The following ACAD10 variants were observed in gnomAD, a reference collection of about 807,000 sequenced individuals.
ACAD10 encodes acyl-CoA dehydrogenase family member 10.
Under a neutral mutation model 116.8 loss-of-function variants are expected in ACAD10, and 112 were observed. That is an observed-to-expected ratio of 0.96 (90% CI 0.82 to 1.12). The LOEUF (loss-of-function observed/expected upper bound fraction) is 1.12. Ranked by LOEUF, ACAD10 falls within the 50% of genes most tolerant of loss-of-function variation. The probability of loss-of-function intolerance (pLI) is 0.00; values close to 1 mark genes in which losing one functional copy is unlikely to be tolerated. For missense variants in ACAD10, 1,259 were observed against 1,350.2 expected, an observed-to-expected ratio of 0.93 and a Z score of 1.06; for synonymous variants, 486 against 510.6, an observed-to-expected ratio of 0.95 and a Z score of 0.65.
intron 5 of ACAD10, 124 bp from the exon 6 acceptor site, chr12:111,712,374 C>A: frequency 1.1e-6 from 1 of 881,704 alleles, no homozygotes; most frequent in Non-Finnish European, 1.7e-6. Context: ...ATTCTCTGCA[C>A]CTGTACTACC....
chr12:111,735,519 G>A lies in ACAD10; in HGVS notation c.1541-1312G>A, dbSNP rs192358121. On this transcript the variant is annotated intron_variant, in intron 11 of 20. Transcript: ENST00000313698. ...TGCCCAGGCTAGAGTGCAGTGGCGCGATCTCAGCTCACTGCAAGCTCCACC... is the reference window on the plus strand; with the variant it reads ...TGCCCAGGCTAGAGTGCAGTGGCGCAATCTCAGCTCACTGCAAGCTCCACC... Among the ~76,000 whole-genome samples the A allele has an allele frequency of 3.1e-3, 464 of 150,822 alleles. 5 individuals carry two copies. The East Asian group carries it at 0.041, about 13-fold the overall frequency.
intron 18 of ACAD10, 91 bp downstream of exon 18, chr12:111,749,436 C>T: frequency 1.4e-6 from 2 of 1,469,706 alleles, no homozygotes; most frequent in East Asian, 2.4e-5. Flanking sequence ...TTTCTGAGTG[C>T]AGTCCTAGCA....
chr12:111,719,791 G>T (rs1888964489), intron 7 of ACAD10, among the ~76,000 whole-genome samples: 1 of 152,046 alleles, frequency 6.6e-6, no homozygotes, highest in South Asian at 2.1e-4. Context: ...GCAGTGGCAC[G>T]ATCTCGGCCC....
At chr12:111,753,380 G>A (rs1024198191) in intron 18 of ACAD10, 11 of 413,420 alleles carry the variant, frequency 2.7e-5, no homozygotes, top group African/African-American at 1.6e-4. Flanking sequence ...CGCCTGCGCC[G>A]TGTGCAGTGC....
At chr12:111,699,482 T>G (rs760391768) in intron 2 of ACAD10, among the ~76,000 whole-genome samples, 1 of 151,918 alleles carries the variant, frequency 6.6e-6, no homozygotes, top group Non-Finnish European at 1.5e-5. Context: ...TGGGGGTGGG[T>G]GTGGGGGGCA....
intron 4 of ACAD10, among the ~76,000 whole-genome samples, chr12:111,706,735 G>A (rs562644787): frequency 6.7e-6 from 1 of 148,960 alleles, no homozygotes; most frequent in East Asian, 2.0e-4. Context: ...ACAAGTATGA[G>A]CCACCGTGCC....
At position 111,746,279 on chromosome 12, in the gene ACAD10, C is replaced by T; in HGVS notation, c.2251C>T (p.Pro751Ser). The T allele has an allele frequency of 6.2e-7, 1 of 1,610,324 alleles. No homozygotes were observed. Among genetic ancestry groups the T allele is most frequent in the Non-Finnish European group, 8.5e-7 (1 of 1,178,872 alleles). Residue 751 changes from proline to serine, a missense_variant, in exon 14 of 21, where the codon CCC (proline) becomes TCC (serine). By Grantham distance (74) the Pro-to-Ser change is moderately conservative. Coordinates refer to ENST00000313698, the MANE Select transcript of ACAD10 (RefSeq NM_025247.6). ...CELMGTSLYA[P>S]EVCNCSAPDT... ...GCTCATGGGCACGTCCCTGTATGCC[C>T]CCGAGGTACCTTCTTTAAAGTTTTC...
chr12:111,706,434 T>A (rs1187442522), intron 4 of ACAD10, among the ~76,000 whole-genome samples: 2 of 152,126 alleles, frequency 1.3e-5, no homozygotes, highest in African/African-American at 4.8e-5. Flanking sequence ...ATTTGGGTAC[T>A]TTACCTATTT....
rs746104743 is a variant in ACAD10 at position 111,729,914 on chromosome 12, T to G, written c.1352T>G (p.Leu451Arg). The G allele has an allele frequency of 1.2e-6, 2 of 1,614,132 alleles. No individual in the cohort carries two copies. Among genetic ancestry groups the G allele is most frequent in the Non-Finnish European group, 1.7e-6 (2 of 1,180,006 alleles). ...ERLIEWLPLH[L>R]PRQQRTTVVH... ...CTGATCGAATGGCTGCCCCTCCATC[T>G]TCCCCGTCAGCAGAGGACCACAGTG... Residue 451 changes from leucine to arginine, a missense_variant, in exon 10 of 21, where the codon CTT becomes CGT. Transcript: ENST00000313698.
Position 111,728,113 on chromosome 12 carries a change from G to T in ACAD10, c.1213G>T (p.Ala405Ser). 1 of 1,611,316 alleles carries T rather than the reference G, an allele frequency of 6.2e-7. No individual in the cohort carries two copies. Among genetic ancestry groups the T allele is most frequent in the Non-Finnish European group, 8.5e-7 (1 of 1,178,784 alleles). Residue 405 changes from alanine to serine, a missense_variant, in exon 9 of 21, where the codon GCT (alanine) becomes TCT (serine). Ala to Ser is a moderately conservative substitution (Grantham distance 99). Coordinates refer to ENST00000313698, the MANE Select transcript of ACAD10 (RefSeq NM_025247.6). ...LCKIHSVDLQ[A>S]VGLEDYGKQG... The stretch of plus-strand genomic sequence containing the variant: ...CAAAATTCACAGTGTGGATCTGCAG[G>T]CTGTGGGACTTGAAGACTATGGGAA...
chr12:111,749,609 G>A, intron 18 of ACAD10: 1 of 505,466 alleles, frequency 2.0e-6, no homozygotes, highest in South Asian at 2.9e-5. Flanking sequence ...GTTCCAAGGT[G>A]TAAAGGTCAT....
At chr12:111,704,773 C>T (rs1420180368) in intron 3 of ACAD10, among the ~76,000 whole-genome samples, 19 of 148,722 alleles carry the variant, frequency 1.3e-4, no homozygotes, top group East Asian at 2.0e-4. Context: ...CTGCAACCTC[C>T]GTCTCCTGGG....
intron 15 of ACAD10, 44 bp downstream of exon 15, chr12:111,747,230 G>A: frequency 6.2e-7 from 1 of 1,610,092 alleles, no homozygotes; most frequent in African/African-American, 1.3e-5. Context: ...CCCTGTTGTT[G>A]TCGGCCCCAC....
At chr12:111,725,407 G>T (rs377188039) in intron 8 of ACAD10, among the ~76,000 whole-genome samples, 2 of 152,102 alleles carry the variant, frequency 1.3e-5, no homozygotes, top group Non-Finnish European at 2.9e-5. Flanking sequence ...CTACTTACCC[G>T]GAAGATTGTG....
At chr12:111,752,988 T>G (rs1354882228) in intron 18 of ACAD10, 1 of 156,928 alleles carries the variant, frequency 6.4e-6, no homozygotes, top group East Asian at 1.9e-4. Flanking sequence ...TACAAAAAAT[T>G]GGAAAGTTAG....
At chr12:111,718,036 C>CTTTTTTTTTTTTTTTTTTTTTTTTTTT (rs560344796) in intron 7 of ACAD10, among the ~76,000 whole-genome samples, 1 of 63,680 alleles carries the variant, frequency 1.6e-5, no homozygotes, top group African/African-American at 8.2e-5. Context: ...TAGTGATATC[C>CTTTTTTTTTTTTTTTTTTTTTTTTTTT]TTTTTTTTTT....
At chr12:111,739,824 C>T (rs1440566238) in intron 12 of ACAD10, among the ~76,000 whole-genome samples, 1 of 151,584 alleles carries the variant, frequency 6.6e-6, no homozygotes, top group African/African-American at 2.4e-5. Context: ...AGTGTTGGGA[C>T]CTTATTTGGA....
chr12:111,700,748 C>CTTTTTTTTTTTTT (rs750378233), intron 2 of ACAD10, among the ~76,000 whole-genome samples: 3 of 89,938 alleles, frequency 3.3e-5, no homozygotes, highest in South Asian at 3.4e-4. Context: ...CCTTCCTCTT[C>CTTTTTTTTTTTTT]TTTTTTTTTT....
chr12:111,690,865 T>G (rs760277996), intron 1 of ACAD10, among the ~76,000 whole-genome samples: 6 of 151,988 alleles, frequency 3.9e-5, no homozygotes, highest in Non-Finnish European at 7.4e-5. Context: ...AAGTATATAG[T>G]TTTGGAGTCC....
Sources: allele counts gnomAD v4.1 joint callset (sites outside exome capture counted in the v4.1 genomes callset), GRCh38; gene constraint gnomAD v4.1.1; transcripts MANE v1.5; gene names NCBI Gene and HGNC (gene_info 2026-07-23, HGNC 2026-07-21).